Variants in SYNPR observed in about 807,000 individuals in gnomAD.
SYNPR encodes synaptoporin.
In SYNPR, 23 loss-of-function variants were observed where a neutral mutation model predicts 32.9. That is an observed-to-expected ratio of 0.70 (90% CI 0.50 to 0.99). SYNPR has a LOEUF of 0.99. Among genes scored for constraint, SYNPR ranks in the 50% least tolerant of loss-of-function variants. The probability of loss-of-function intolerance (pLI) is 0.00; values close to 1 mark genes in which losing one functional copy is unlikely to be tolerated. For synonymous variants in SYNPR, 146 were observed against 135.9 expected (o/e 1.07, Z -0.52); for missense variants, 318 against 349.3 (o/e 0.91, Z 0.71).
rs1301127027 is a variant in SYNPR at position 63,615,517 on chromosome 3, C to T, written c.*36C>T. 3.2e-6 allele frequency: 5 copies of T among 1,584,338 alleles called. No homozygotes were observed. Among genetic ancestry groups the T allele is most frequent in the African/African-American group, 2.7e-5 (2 of 73,576 alleles). ...TTTGCATTCTTCTGCAGTCGCCTCA[C>T]CATCTTCCATTTCAGTGGCAGAAGA... On this transcript the variant is annotated 3_prime_UTR_variant, in exon 6 of 6. Coordinates refer to ENST00000478300, the MANE Select transcript of SYNPR (RefSeq NM_001130003.2).
At chr3:63,246,124 A>C (rs2086287562) in intron 1 of SYNPR, among the ~76,000 whole-genome samples, 1 of 152,050 alleles carries the variant, frequency 6.6e-6, no homozygotes, top group South Asian at 2.1e-4. Flanking sequence ...AGACAAGGAG[A>C]ACAGACTGGT....
At chr3:63,529,101 A>AT (rs5849563) in intron 3 of SYNPR, among the ~76,000 whole-genome samples, 51,789 of 151,946 alleles carry the variant, frequency 0.34, 8,865 homozygotes, top group Admixed American at 0.42. Context: ...TCTGTGTATG[A>AT]TTTTTTTCCC....
intron 2 of SYNPR, among the ~76,000 whole-genome samples, chr3:63,322,275 CA>C (rs1474897842): frequency 1.3e-5 from 2 of 152,054 alleles, no homozygotes; most frequent in African/African-American, 4.8e-5. Context: ...TGCATATAAA[CA>C]GAGGAGGAAG....
intron 2 of SYNPR, among the ~76,000 whole-genome samples, chr3:63,297,110 G>A (rs534110440): frequency 5.3e-5 from 8 of 152,330 alleles, no homozygotes; most frequent in African/African-American, 1.7e-4. Context: ...CAAGGGGAAT[G>A]TGCTAAACTT....
chr3:63,586,809 T>C (rs973912683), intron 4 of SYNPR, among the ~76,000 whole-genome samples: 4 of 151,958 alleles, frequency 2.6e-5, no homozygotes, highest in African/African-American at 4.8e-5. Context: ...CAGTGCTTTT[T>C]GCAATGTAGC....
intron 1 of SYNPR, among the ~76,000 whole-genome samples, chr3:63,238,279 T>A (rs1427835561): frequency 6.6e-6 from 1 of 151,824 alleles, no homozygotes; most frequent in Non-Finnish European, 1.5e-5. Context: ...TCTTTGTCAT[T>A]TTATCCTGAC....
intron 3 of SYNPR, among the ~76,000 whole-genome samples, chr3:63,555,154 T>C (rs935653673): frequency 6.6e-6 from 1 of 151,998 alleles, no homozygotes; most frequent in Non-Finnish European, 1.5e-5. Flanking sequence ...ATATCATCAG[T>C]GAAGAGAGAT....
intron 3 of SYNPR, among the ~76,000 whole-genome samples, chr3:63,553,553 T>C (rs187297373): frequency 6.6e-6 from 1 of 152,334 alleles, no homozygotes; most frequent in Admixed American, 6.5e-5. Flanking sequence ...AAGTGTTCCC[T>C]TTTCTCTGCA....
At chr3:63,362,003 T>A (rs144172947) in intron 2 of SYNPR, among the ~76,000 whole-genome samples, 1,860 of 152,332 alleles carry the variant, frequency 0.012, 18 homozygotes, top group South Asian at 0.022. Flanking sequence ...TTCCATTCTC[T>A]ATCCCTTTGG....
intron 2 of SYNPR, among the ~76,000 whole-genome samples, chr3:63,473,473 G>C (rs1700843038): frequency 6.6e-6 from 1 of 152,182 alleles, no homozygotes; most frequent in Non-Finnish European, 1.5e-5. Context: ...CACTGTGCAA[G>C]GTGGTAGAGA....
intron 2 of SYNPR, among the ~76,000 whole-genome samples, chr3:63,383,928 A>G (rs1209798231): frequency 1.3e-5 from 2 of 152,250 alleles, no homozygotes; most frequent in African/African-American, 2.4e-5. Flanking sequence ...ATGTGTGGTG[A>G]TGAATGTGTT....
chr3:63,526,509 T>C (rs904019926), intron 3 of SYNPR, among the ~76,000 whole-genome samples: 2 of 152,234 alleles, frequency 1.3e-5, no homozygotes, highest in Non-Finnish European at 2.9e-5. Context: ...ATTTGTTCAA[T>C]GAATGAATTT....
chr3:63,443,371 A>C, intron 2 of SYNPR: 1 of 1,564,064 alleles, frequency 6.4e-7, no homozygotes, highest in Non-Finnish European at 8.7e-7. Flanking sequence ...GTGGACAGAG[A>C]AGCTTTATTT....
At chr3:63,455,389 C>G (rs1212660275) in intron 2 of SYNPR, among the ~76,000 whole-genome samples, 1 of 152,076 alleles carries the variant, frequency 6.6e-6, no homozygotes, top group Non-Finnish European at 1.5e-5. Context: ...ACTGTTCAAA[C>G]TCTACTTGGA....
Position 63,443,396 on chromosome 3 carries a change from C to G in SYNPR, c.85-37436C>G, listed in dbSNP as rs780242469. On this transcript the variant is annotated intron_variant, in intron 2 of 5. Coordinates refer to ENST00000478300, the MANE Select transcript of SYNPR (RefSeq NM_001130003.2). ...AAGCTTTATTTTTAGTATGAGACAA[C>G]CTCTATTTTCTTTCAGGAGAGGGAA... The G allele has an allele frequency of 7.5e-6, 12 of 1,589,630 alleles. No individual in the cohort carries two copies. The South Asian group carries it at 9.2e-5, about 12-fold the overall frequency.
In SYNPR at chr3:63,461,119, G is replaced by T. The variant is rs114886965; in HGVS notation, c.85-19713G>T. Among the ~76,000 whole-genome samples, 115 of 151,944 alleles carry T rather than the reference G, an allele frequency of 7.6e-4. 1 individual carries two copies. Among genetic ancestry groups the T allele is most frequent in the African/African-American group, 2.7e-3 (113 of 41,444 alleles). On this transcript the variant is annotated intron_variant, in intron 2 of 5. Transcript: ENST00000478300. ...AATAAGACTATTCCCATGATTTCTA[G>T]GAAATATCCTAAAAGGAGCATAGCC...
intron 1 of SYNPR, among the ~76,000 whole-genome samples, chr3:63,228,557 A>G (rs2086146036): frequency 6.6e-6 from 1 of 152,098 alleles, no homozygotes; most frequent in Admixed American, 6.5e-5. Flanking sequence ...CTCTATTCAG[A>G]TAGTTTCTAC....
chr3:63,300,758 G>A (rs2086837293), intron 2 of SYNPR, among the ~76,000 whole-genome samples: 1 of 151,954 alleles, frequency 6.6e-6, no homozygotes, highest in Non-Finnish European at 1.5e-5. Context: ...GTGAAATCAG[G>A]ATGAAGCTAG....
At chr3:63,294,220 T>C (rs1345357318) in intron 2 of SYNPR, among the ~76,000 whole-genome samples, 1 of 152,218 alleles carries the variant, frequency 6.6e-6, no homozygotes, top group Non-Finnish European at 1.5e-5. Context: ...TTACTATGCC[T>C]CTATTGTTAT....
Sources: allele counts gnomAD v4.1 joint callset (sites outside exome capture counted in the v4.1 genomes callset), GRCh38; gene constraint gnomAD v4.1.1; transcripts MANE v1.5; gene names NCBI Gene and HGNC (gene_info 2026-07-23, HGNC 2026-07-21).